Variants in TNS1 observed in about 807,000 individuals in gnomAD.
The protein encoded by TNS1 is tensin-1.
In TNS1, 62 loss-of-function variants were observed where a neutral mutation model predicts 168.6. The ratio of observed to expected loss-of-function variants is 0.37; its 90% CI spans 0.30 to 0.45. TNS1 has a LOEUF of 0.45. Ranked by LOEUF, TNS1 falls within the 20% of genes least tolerant of loss-of-function variation. The pLI, the probability that TNS1 is intolerant of heterozygous loss-of-function variation, is 1.00. For synonymous variants in TNS1, 934 were observed against 933.2 expected (o/e 1.00, Z -0.02); for missense variants, 2,240 against 2,339.4 (o/e 0.96, Z 0.88).
At chr2:217,832,784 C>T (rs1245919466) in intron 21 of TNS1, among the ~76,000 whole-genome samples, 1 of 152,218 alleles carries the variant, frequency 6.6e-6, no homozygotes, top group Non-Finnish European at 1.5e-5. Context: ...TGGCACACCC[C>T]TGCCCTTCAC....
At position 217,809,848 on chromosome 2, in the gene TNS1, T is replaced by C. The variant is rs1940501065; in HGVS notation, c.5248A>G (p.Ile1750Val). ...IVHFKVSAQGITLTDNQRKLF... is the reference protein window; with the variant it reads ...IVHFKVSAQGVTLTDNQRKLF... ...TTTCTCTGGTTGTCAGTCAGAGTGA[T>C]TCCCTGGGCAGAGACTTTGAAGTGA... Residue 1750 changes from isoleucine to valine, a missense_variant, in exon 30 of 33, where the codon ATC becomes GTC. Transcript: ENST00000682258. The C allele has an allele frequency of 6.2e-7, 1 of 1,613,944 alleles. No individual in the cohort carries two copies. Among genetic ancestry groups the C allele is most frequent in the African/African-American group, 1.3e-5 (1 of 75,004 alleles).
At chr2:217,966,320 C>CGT (rs1957639262) in intron 3 of TNS1, among the ~76,000 whole-genome samples, 24 of 149,898 alleles carry the variant, frequency 1.6e-4, no homozygotes, top group African/African-American at 4.7e-4. Context: ...CGCGCGCGCG[C>CGT]GTGTGTAAGG....
intron 1 of TNS1, among the ~76,000 whole-genome samples, chr2:217,997,381 C>T: frequency 6.6e-6 from 1 of 152,202 alleles, no homozygotes; most frequent in East Asian, 1.9e-4. Flanking sequence ...GGATCCTGAA[C>T]TGCCTTTAGT....
intron 3 of TNS1, among the ~76,000 whole-genome samples, chr2:217,967,103 A>T (rs958278998): frequency 1.3e-5 from 2 of 152,138 alleles, no homozygotes; most frequent in Admixed American, 6.6e-5. Context: ...GCGGATCACG[A>T]GGTCAGGAGA....
intron 28 of TNS1, among the ~76,000 whole-genome samples, chr2:217,812,023 T>A (rs2125108754): frequency 6.6e-6 from 1 of 152,266 alleles, no homozygotes; most frequent in South Asian, 2.1e-4. Flanking sequence ...CTTCCCCAGA[T>A]GCCCATCTCA....
rs1418563943 is a variant in TNS1 at position 217,907,078 on chromosome 2, C to T, written c.270+132G>A. Reference sequence around the variant, plus strand: ...CCGCCCCACTACTTCCCTGCAAGTTCCCCAAATCTACTCCGGAAGCATTTC... The same window carrying T: ...CCGCCCCACTACTTCCCTGCAAGTTTCCCAAATCTACTCCGGAAGCATTTC... On this transcript the variant is annotated intron_variant, in intron 5 of 32. Coordinates refer to ENST00000682258, the MANE Select transcript of TNS1 (RefSeq NM_001387777.1). 2.2e-5 allele frequency: 14 copies of T among 628,316 alleles called. No individual in the cohort carries two copies. The East Asian group carries it at 3.7e-4, about 16-fold the overall frequency. 38.9% of individuals were successfully genotyped at this position (628,316 alleles called of 1,614,324 possible).
At chr2:217,971,314 G>T (rs1214180654) in intron 3 of TNS1, among the ~76,000 whole-genome samples, 1 of 152,128 alleles carries the variant, frequency 6.6e-6, no homozygotes, top group Non-Finnish European at 1.5e-5. Context: ...GCATTAAAAG[G>T]GAATCACCCA....
At chr2:217,959,868 T>C (rs1957454673) in intron 3 of TNS1, among the ~76,000 whole-genome samples, 1 of 123,200 alleles carries the variant, frequency 8.1e-6, no homozygotes, top group African/African-American at 3.1e-5. Context: ...TCTCCAGGAA[T>C]GCGGCTGGGG....
chr2:217,984,729 G>A (rs1382827228), intron 2 of TNS1, among the ~76,000 whole-genome samples: 1 of 150,000 alleles, frequency 6.7e-6, no homozygotes, highest in Non-Finnish European at 1.5e-5. Flanking sequence ...CTGGGCTCAA[G>A]TGGTCCTCCC....
chr2:217,981,075 G>A (rs1004422255), intron 2 of TNS1, among the ~76,000 whole-genome samples: 59 of 152,172 alleles, frequency 3.9e-4, no homozygotes, highest in Admixed American at 2.6e-4. Flanking sequence ...ACACTCAGAG[G>A]GCAAGGAGCA....
At chr2:218,029,113 C>T (rs984229366) in intron 1 of TNS1, among the ~76,000 whole-genome samples, 1 of 152,344 alleles carries the variant, frequency 6.6e-6, no homozygotes, top group African/African-American at 2.4e-5. Context: ...CTCAGGCCTG[C>T]CCCCAGAGAG....
intron 1 of TNS1, among the ~76,000 whole-genome samples, chr2:217,999,712 C>T (rs935941113): frequency 3.3e-5 from 5 of 152,204 alleles, no homozygotes; most frequent in Non-Finnish European, 7.3e-5. Context: ...TCTGCATGAC[C>T]GGAATTGTGC....
Position 217,813,364 on chromosome 2 carries a change from C to A in TNS1, c.4862-57G>T. The A allele has an allele frequency of 2.2e-6, 3 of 1,351,904 alleles. No individual in the cohort carries two copies. The highest frequency in any genetic ancestry group is 3.1e-6 in the Non-Finnish European group (3 of 964,714). The allele number at this position is 1,351,904 out of a possible 1,614,324, so 83.7% of individuals were successfully genotyped here. On this transcript the variant is annotated intron_variant, in intron 26 of 32. Transcript: ENST00000682258. The surrounding 1 kb of genome is among the most constrained non-coding windows in gnomAD (Gnocchi z 4.0). ...CCCTGCCCATGGCTTCCTCCCACCA[C>A]CTCCCAAGACTGCTTCAAAACTTCC...
intron 18 of TNS1, among the ~76,000 whole-genome samples, chr2:217,878,850 C>T (rs904100825): frequency 6.6e-5 from 10 of 152,218 alleles, no homozygotes; most frequent in African/African-American, 2.2e-4. Flanking sequence ...TCATGAAGGC[C>T]GCTATAGGCA....
intron 18 of TNS1, among the ~76,000 whole-genome samples, chr2:217,861,439 C>A (rs571517633): frequency 2.6e-5 from 4 of 152,246 alleles, no homozygotes; most frequent in Non-Finnish European, 4.4e-5. Flanking sequence ...GACCCACAAA[C>A]AGCCCATGTG....
intron 4 of TNS1, among the ~76,000 whole-genome samples, chr2:217,915,917 A>G (rs1575066789): frequency 6.6e-6 from 1 of 152,286 alleles, no homozygotes; most frequent in East Asian, 1.9e-4. Context: ...GAAAACGGCA[A>G]GTGCTATGCA....
chr2:217,915,400 C>T (rs181978569), intron 4 of TNS1, among the ~76,000 whole-genome samples: 3 of 152,334 alleles, frequency 2.0e-5, no homozygotes, highest in East Asian at 3.9e-4. Flanking sequence ...AAGTCCTCTC[C>T]ACCCTGTGGC....
chr2:217,984,750 C>CTT (rs58959120), intron 2 of TNS1, among the ~76,000 whole-genome samples: 23 of 135,732 alleles, frequency 1.7e-4, no homozygotes, highest in African/African-American at 3.6e-4. Context: ...ACCTCAGCCT[C>CTT]TTTTTTTTTT....
chr2:217,893,398 G>GCA (rs765084895), intron 10 of TNS1, 41 bp downstream of exon 10: 768 of 1,494,710 alleles, frequency 5.1e-4, no homozygotes, highest in East Asian at 6.6e-4. Context: ...ATGTGCGCGC[G>GCA]CGCACACACA....
Sources: gnomAD v4.1 joint callset for allele counts (sites outside exome capture counted in the v4.1 genomes callset) on GRCh38, gnomAD v4.1.1 for gene constraint, Gnocchi (gnomAD v3.1) non-coding constraint, MANE v1.5 for transcripts, NCBI Gene and HGNC (gene_info 2026-07-23, HGNC 2026-07-21) for gene names.